JAKMIP1: variants seen among roughly 807,000 people sequenced by gnomAD.
The protein encoded by JAKMIP1 is janus kinase and microtubule-interacting protein 1.
Under a neutral mutation model 113.0 loss-of-function variants are expected in JAKMIP1, and 33 were observed. That is an observed-to-expected ratio of 0.29 (90% CI 0.22 to 0.39). The LOEUF (loss-of-function observed/expected upper bound fraction) is 0.39. Among genes scored for constraint, JAKMIP1 ranks in the 10% least tolerant of loss-of-function variants. The probability of loss-of-function intolerance (pLI) is 1.00; values close to 1 mark genes in which losing one functional copy is unlikely to be tolerated. For synonymous variants in JAKMIP1, 480 were observed against 459.9 expected, an observed-to-expected ratio of 1.04 and a Z score of -0.56; for missense variants, 813 against 1,080.5, an observed-to-expected ratio of 0.75 and a Z score of 3.47.
At position 6,051,382 on chromosome 4, in the gene JAKMIP1, C is replaced by G. The variant is rs565111510; in HGVS notation, c.1807-703G>C. On this transcript the variant is annotated intron_variant, in intron 13 of 20. Coordinates refer to ENST00000409021, the MANE Select transcript of JAKMIP1 (RefSeq NM_001099433.2). This position sits in a 1 kb window ranked among gnomAD's most constrained non-coding sequence, Gnocchi z 5.0. ...GGATTACAGGCACGCGCCACCACAC[C>G]GGGCTAATTTTGTATTTAGATTTTG... 6.6e-6 allele frequency among the ~76,000 whole-genome samples: 1 copy of G among 152,172 alleles called. No individual in the cohort carries two copies. Among genetic ancestry groups the G allele is most frequent in the Non-Finnish European group, 1.5e-5 (1 of 68,028 alleles).
rs1341237155 is a variant in JAKMIP1 at position 6,042,791 on chromosome 4, G to A, written c.2029-564C>T. 2.6e-5 allele frequency among the ~76,000 whole-genome samples: 4 copies of A among 152,084 alleles called. No individual in the cohort carries two copies. Among genetic ancestry groups the A allele is most frequent in the South Asian group, 2.1e-4 (1 of 4,816 alleles). On this transcript the variant is annotated intron_variant, in intron 16 of 20. Transcript: ENST00000409021. The surrounding 1 kb of genome is among the most constrained non-coding windows in gnomAD (Gnocchi z 5.2). ...GTTGGAGCAGCCCAGAGTGCCTGGT[G>A]CCACCATGAGAGGAGGTGGAATCAC...
intron 11 of JAKMIP1, among the ~76,000 whole-genome samples, chr4:6,057,119 C>T (rs1343860794): frequency 2.6e-5 from 4 of 152,234 alleles, no homozygotes; most frequent in South Asian, 2.1e-4. Flanking sequence ...CACTGACATG[C>T]TTTTGTTCAT....
intron 1 of JAKMIP1, among the ~76,000 whole-genome samples, chr4:6,151,240 C>T (rs1721540201): frequency 6.6e-6 from 1 of 152,194 alleles, no homozygotes; most frequent in African/African-American, 2.4e-5. Flanking sequence ...CTCCACAACC[C>T]TATGAAGTTA....
At chr4:6,090,845 C>G (rs1055507127) in intron 3 of JAKMIP1, among the ~76,000 whole-genome samples, 1 of 151,184 alleles carries the variant, frequency 6.6e-6, no homozygotes, top group African/African-American at 2.4e-5. Flanking sequence ...ATCACTGTCC[C>G]ATGTTAACCA....
In JAKMIP1 at chr4:6,064,857, G is replaced by A. The variant is rs759533222; in HGVS notation, c.1431+23C>T. ...CCGAGAGCATCTGGGGTGAGGTCCCGCCCTCTCTGCAGGTTTGCTTACATC... is the reference window on the plus strand; with the variant it reads ...CCGAGAGCATCTGGGGTGAGGTCCCACCCTCTCTGCAGGTTTGCTTACATC... On this transcript the variant is annotated intron_variant, in intron 9 of 20. Transcript: ENST00000409021. The surrounding 1 kb of genome is among the most constrained non-coding windows in gnomAD (Gnocchi z 4.3). 6.2e-6 allele frequency: 10 copies of A among 1,613,316 alleles called. No individual in the cohort carries two copies. The highest frequency in any genetic ancestry group is 1.7e-5 in the Admixed American group (1 of 59,964).
In JAKMIP1 at chr4:6,049,313, G is replaced by A. The variant is rs1715371261; in HGVS notation, c.1963-391C>T. 6.6e-6 allele frequency among the ~76,000 whole-genome samples: 1 copy of A among 152,216 alleles called. No individual in the cohort carries two copies. The highest frequency in any genetic ancestry group is 6.5e-5 in the Admixed American group (1 of 15,280). ...AGCCTTCCAAAGTGCTGGGATTACA[G>A]GCGTGAGCCACCATGCCCCGCCAAC... On this transcript the variant is annotated intron_variant, in intron 15 of 20. Coordinates refer to ENST00000409021, the MANE Select transcript of JAKMIP1 (RefSeq NM_001099433.2). The surrounding 1 kb of genome is among the most constrained non-coding windows in gnomAD (Gnocchi z 7.0).
At chr4:6,132,369 C>T (rs147195404) in intron 1 of JAKMIP1, among the ~76,000 whole-genome samples, 2,078 of 152,206 alleles carry the variant, frequency 0.014, 55 homozygotes, top group African/African-American at 0.048. Context: ...CAGCTGGGCA[C>T]GGTGGCTCAC....
chr4:6,124,384 C>T (rs377509510), intron 1 of JAKMIP1, among the ~76,000 whole-genome samples: 9 of 152,184 alleles, frequency 5.9e-5, no homozygotes, highest in Admixed American at 5.2e-4. Flanking sequence ...CCCAATTCCA[C>T]GCTTAAGTGT....
chr4:6,082,109 C>G (rs529779872), intron 5 of JAKMIP1, among the ~76,000 whole-genome samples: 14 of 152,170 alleles, frequency 9.2e-5, no homozygotes, highest in South Asian at 2.1e-4. Flanking sequence ...GCCACCTTCC[C>G]CATCCGCATT....
chr4:6,062,536 T>C lies in JAKMIP1; in HGVS notation c.1432-96A>G, dbSNP rs1578127371. ...TTAATAATAAACATAAATAAACACT[T>C]GCTATGGCTTTGAGTGCCAGGGTCA... On this transcript the variant is annotated intron_variant, in intron 9 of 20. Transcript: ENST00000409021. 7 of 1,338,582 alleles carry C rather than the reference T, an allele frequency of 5.2e-6. No individual in the cohort carries two copies. In the South Asian group the frequency reaches 8.3e-5, roughly 16 times the overall value. The allele number at this position is 1,338,582 out of a possible 1,614,324, so 82.9% of individuals were successfully genotyped here. A position where few individuals can be genotyped will look rare whatever the true frequency, so the allele number is the denominator to read the frequency against.
At chr4:6,122,389 T>A (rs2108911274) in intron 1 of JAKMIP1, among the ~76,000 whole-genome samples, 1 of 152,304 alleles carries the variant, frequency 6.6e-6, no homozygotes, top group Non-Finnish European at 1.5e-5. Context: ...AGGACATCTT[T>A]GAAAGAGGTT....
At position 6,081,876 on chromosome 4, in the gene JAKMIP1, T is replaced by G; in HGVS notation, c.955-121A>C. 1.8e-6 allele frequency: 2 copies of G among 1,097,924 alleles called. No homozygotes were observed. Among genetic ancestry groups the G allele is most frequent in the South Asian group, 3.2e-5 (2 of 63,484 alleles). The allele number at this position is 1,097,924 out of a possible 1,614,324, so 68.0% of individuals were successfully genotyped here. A position where few individuals can be genotyped will look rare whatever the true frequency, so the allele number is the denominator to read the frequency against. On this transcript the variant is annotated intron_variant, in intron 5 of 20. Coordinates refer to ENST00000409021, the MANE Select transcript of JAKMIP1 (RefSeq NM_001099433.2). This position sits in a 1 kb window ranked among gnomAD's most constrained non-coding sequence, Gnocchi z 4.6. ...CCCCTTCTGAGGCCAGTGTCCTGGA[T>G]GACACATTTGTTTGCTAGTTGCATG...
rs1280759721 is a variant in JAKMIP1 at position 6,136,862 on chromosome 4, C to G, written c.-147-23865G>C. Among the ~76,000 whole-genome samples, 1 of 152,158 alleles carries G rather than the reference C, an allele frequency of 6.6e-6. No individual in the cohort carries two copies. Among genetic ancestry groups the G allele is most frequent in the Non-Finnish European group, 1.5e-5 (1 of 68,030 alleles). ...AGCTAGTTACCAGCAGCGGCACTACCCATCACATAACAGGCATTTAGACAC... is the reference window on the plus strand; with the variant it reads ...AGCTAGTTACCAGCAGCGGCACTACGCATCACATAACAGGCATTTAGACAC... On this transcript the variant is annotated intron_variant, in intron 1 of 20. Transcript: ENST00000409021. The surrounding 1 kb of genome is among the most constrained non-coding windows in gnomAD (Gnocchi z 5.9).
In JAKMIP1 at chr4:6,064,759, A is replaced by T. The variant is rs1717811055; in HGVS notation, c.1431+121T>A. On this transcript the variant is annotated intron_variant, in intron 9 of 20. Transcript: ENST00000409021. The surrounding 1 kb of genome is among the most constrained non-coding windows in gnomAD (Gnocchi z 4.3). ...TGGCTTTGATAATGCACTGGTAGGA[A>T]CTGGTCATCTGGGGTTCAGAACTAT... The T allele has an allele frequency of 1.9e-5, 25 of 1,283,624 alleles. No homozygotes were observed. The highest frequency in any genetic ancestry group is 2.6e-5 in the Non-Finnish European group (24 of 916,204). 79.5% of individuals were successfully genotyped at this position (1,283,624 alleles called of 1,614,324 possible). A position where few individuals can be genotyped will look rare whatever the true frequency, so the allele number is the denominator to read the frequency against.
At chr4:6,171,189 CCAT>C (rs1724632275) in intron 1 of JAKMIP1, among the ~76,000 whole-genome samples, 1 of 145,322 alleles carries the variant, frequency 6.9e-6, no homozygotes, top group South Asian at 2.1e-4. Flanking sequence ...ACCACCATCA[CCAT>C]CATCACCACC....
chr4:6,105,829 C>G lies in JAKMIP1; in HGVS notation c.268G>C (p.Gly90Arg). Residue 90 changes from glycine to arginine, a missense_variant, in exon 3 of 21, where the codon GGG becomes CGG. Around this residue, in one of 2 missense-constraint regions of JAKMIP1, gnomAD observed 540 missense variants for 653.9 expected, o/e 0.83. Transcript: ENST00000409021. ...TCCTGCTCGTGCTGCCGGATGAGCC[C>G]CTCGCGCAGCGCCTGCAGCTCCTTG... ...KTKELQALRE[G>R]LIRQHEQEAA... 6.2e-7 allele frequency: 1 copy of G among 1,611,202 alleles called. No individual in the cohort carries two copies. The highest frequency in any genetic ancestry group is 8.5e-7 in the Non-Finnish European group (1 of 1,179,820).
Position 6,199,333 on chromosome 4 carries a change from A to T in JAKMIP1, c.-148+920T>A, listed in dbSNP as rs1355947942. On this transcript the variant is annotated intron_variant, in intron 1 of 20. Coordinates refer to ENST00000409021, the MANE Select transcript of JAKMIP1 (RefSeq NM_001099433.2). The surrounding 1 kb of genome is among the most constrained non-coding windows in gnomAD (Gnocchi z 5.6). ...GGAGCGGGATGCTTCTAAGGCGAAA[A>T]GAAGCGCCAGCCTCGTAAGCGGCCT... Among the ~76,000 whole-genome samples the T allele has an allele frequency of 2.6e-5, 4 of 152,166 alleles. No homozygotes were observed. Among genetic ancestry groups the T allele is most frequent in the Non-Finnish European group, 5.9e-5 (4 of 68,026 alleles).
chr4:6,149,627 A>G (rs1331114763), intron 1 of JAKMIP1, among the ~76,000 whole-genome samples: 1 of 152,152 alleles, frequency 6.6e-6, no homozygotes, highest in Non-Finnish European at 1.5e-5. Flanking sequence ...AAAAGTTCCT[A>G]ATTTAACATT....
chr4:6,105,460 G>C lies in JAKMIP1; in HGVS notation c.624+13C>G, dbSNP rs770182062. On this transcript the variant is annotated intron_variant, in intron 3 of 20. Coordinates refer to ENST00000409021, the MANE Select transcript of JAKMIP1 (RefSeq NM_001099433.2). ...GCCGCGTGCCCGCGGGCGGGGGAGG[G>C]GGCGGCACGTACCAGCCTGCGGATG... is the stretch of plus-strand genomic sequence containing the variant. The C allele has an allele frequency of 6.3e-7, 1 of 1,579,128 alleles. No homozygotes were observed. Among genetic ancestry groups the C allele is most frequent in the Non-Finnish European group, 8.6e-7 (1 of 1,164,678 alleles).
Sources: allele counts gnomAD v4.1 joint callset (sites outside exome capture counted in the v4.1 genomes callset), GRCh38; gene constraint gnomAD v4.1.1; regional missense constraint gnomAD v4.1.1; non-coding constraint Gnocchi (gnomAD v3.1); transcripts MANE v1.5; gene names NCBI Gene and HGNC (gene_info 2026-07-23, HGNC 2026-07-21).